Variants in TRPM3 observed in about 807,000 individuals in gnomAD.
TRPM3 encodes long transient receptor potential channel 3.
In TRPM3, 77 loss-of-function variants were observed where a neutral mutation model predicts 181.2. The observed-to-expected ratio is 0.42, with a 90% CI of 0.35 to 0.51. The LOEUF (loss-of-function observed/expected upper bound fraction) is 0.51. Among genes scored for constraint, TRPM3 ranks in the 20% least tolerant of loss-of-function variants. The pLI, the probability that TRPM3 is intolerant of heterozygous loss-of-function variation, is 0.01. For synonymous variants in TRPM3, 745 were observed against 796.4 expected (o/e 0.94, Z 1.09); for missense variants, 1,759 against 2,196.7 (o/e 0.80, Z 3.98).
At chr9:70,590,008 C>A (rs1340195167) in intron 22 of TRPM3, among the ~76,000 whole-genome samples, 1 of 152,150 alleles carries the variant, frequency 6.6e-6, no homozygotes, top group African/African-American at 2.4e-5. Flanking sequence ...GGTTATGCAA[C>A]CCTAATCCAT....
Position 70,640,630 on chromosome 9 carries a change from C to T in TRPM3, c.1376G>A (p.Ser459Asn), listed in dbSNP as rs532132510. 1.2e-6 allele frequency: 2 copies of T among 1,613,674 alleles called. No individual in the cohort carries two copies. The highest frequency in any genetic ancestry group is 2.2e-5 in the East Asian group (1 of 44,874). Reference protein sequence around the residue: ...GANASAPDQLSLALAWNRVDI... With the variant: ...GANASAPDQLNLALAWNRVDI... The stretch of plus-strand genomic sequence containing the variant: ...GACTCTGTTCCAGGCTAAAGCTAAG[C>T]TCAGTTGGTCTGGGGCCGAGGCATT... Residue 459 changes from serine to asparagine, a missense_variant, in exon 10 of 26, where the codon AGC becomes AAC. Physicochemically the swap from Ser to Asn is conservative, Grantham distance 46 (BLOSUM62 1). This residue lies in a region of TRPM3 where 737 missense variants were observed against 957.4 expected (regional missense o/e 0.77). Transcript: ENST00000677713.
chr9:71,252,685 T>C (rs1312638733), intron 1 of TRPM3, among the ~76,000 whole-genome samples: 1 of 151,918 alleles, frequency 6.6e-6, no homozygotes, highest in African/African-American at 2.4e-5. Context: ...TTTTCTTTCT[T>C]TTTTGTGACA....
chr9:70,571,437 A>C (rs1319092491), intron 22 of TRPM3, among the ~76,000 whole-genome samples: 1 of 152,146 alleles, frequency 6.6e-6, no homozygotes, highest in Non-Finnish European at 1.5e-5. Flanking sequence ...TGTACCTTGG[A>C]GGCTCAGAGT....
At position 70,654,533 on chromosome 9, in the gene TRPM3, G is replaced by A. The variant is rs979192847; in HGVS notation, c.1346-13873C>T. On this transcript the variant is annotated intron_variant, in intron 9 of 25. Transcript: ENST00000677713. ...GGAAATGATCCAGTGGTGACACACT[G>A]TGGAGTCCTGCTCATGAGCAGCACA... Among the ~76,000 whole-genome samples the A allele has an allele frequency of 2.0e-5, 3 of 152,080 alleles. No individual in the cohort carries two copies. The East Asian group carries it at 5.8e-4, about 29-fold the overall frequency.
In TRPM3 at chr9:71,179,007, T is replaced by C. The variant is rs139479671; in HGVS notation, c.183+267646A>G. On this transcript the variant is annotated intron_variant, in intron 1 of 24. Coordinates refer to the TRPM3 transcript ENST00000357533. ...ACATTTTAAAGAACAGTTTAAACTT[T>C]TATTAAATAGAAATTTCATGCATTA... Among the ~76,000 whole-genome samples, 1,097 of 152,302 alleles carry C rather than the reference T, an allele frequency of 7.2e-3. 18 individuals carry two copies. The highest frequency in any genetic ancestry group is 0.025 in the African/African-American group (1,040 of 41,564).
chr9:70,543,036 A>T (rs1336779481), intron 25 of TRPM3, among the ~76,000 whole-genome samples: 1 of 152,214 alleles, frequency 6.6e-6, no homozygotes, highest in African/African-American at 2.4e-5. Flanking sequence ...GAGACCAAAG[A>T]TCAGCTTTGG....
intron 1 of TRPM3, among the ~76,000 whole-genome samples, chr9:70,920,196 C>T (rs1453769811): frequency 6.6e-6 from 1 of 152,166 alleles, no homozygotes; most frequent in African/African-American, 2.4e-5. Flanking sequence ...AGGAATTCAG[C>T]AAACCATTTT....
intron 1 of TRPM3, among the ~76,000 whole-genome samples, chr9:71,371,931 C>T (rs1432927604): frequency 2.6e-5 from 4 of 152,184 alleles, no homozygotes; most frequent in African/African-American, 9.7e-5. Context: ...CCTCTCATCA[C>T]CTAGGTATCA....
At chr9:70,614,607 T>C (rs1478415773) in intron 18 of TRPM3, among the ~76,000 whole-genome samples, 7 of 152,164 alleles carry the variant, frequency 4.6e-5, no homozygotes, top group African/African-American at 1.7e-4. Flanking sequence ...GTTAAAACAG[T>C]ATTAGTTCAC....
At chr9:70,847,423 A>G (rs2095017743) in intron 3 of TRPM3, among the ~76,000 whole-genome samples, 1 of 152,170 alleles carries the variant, frequency 6.6e-6, no homozygotes, top group Non-Finnish European at 1.5e-5. Flanking sequence ...GTTGGCATGA[A>G]AAAAGAATTA....
At chr9:70,568,210 A>C (rs1317110411) in intron 22 of TRPM3, among the ~76,000 whole-genome samples, 1 of 152,234 alleles carries the variant, frequency 6.6e-6, no homozygotes, top group Non-Finnish European at 1.5e-5. Flanking sequence ...CACAAGGCAA[A>C]TGGCTGAGAT....
At chr9:70,657,003 A>T (rs995506070) in intron 9 of TRPM3, among the ~76,000 whole-genome samples, 1 of 151,806 alleles carries the variant, frequency 6.6e-6, no homozygotes, top group Non-Finnish European at 1.5e-5. Flanking sequence ...ATGTAGTCCT[A>T]GAATAAAATG....
chr9:71,312,507 T>G (rs1304989919), intron 1 of TRPM3, among the ~76,000 whole-genome samples: 1 of 152,126 alleles, frequency 6.6e-6, no homozygotes, highest in East Asian at 1.9e-4. Context: ...CCTATAAAAC[T>G]GAACATACTC....
chr9:70,604,014 T>C (rs1428589859), intron 19 of TRPM3, among the ~76,000 whole-genome samples: 2 of 152,242 alleles, frequency 1.3e-5, no homozygotes, highest in Admixed American at 1.3e-4. Flanking sequence ...TTACCTGTTT[T>C]CATTTCACCA....
intron 1 of TRPM3, among the ~76,000 whole-genome samples, chr9:71,261,022 T>C (rs1221253842): frequency 6.6e-6 from 1 of 152,202 alleles, no homozygotes; most frequent in African/African-American, 2.4e-5. Context: ...TGGTGTTCTC[T>C]GTATTTCCAG....
chr9:70,827,811 C>T, intron 6 of TRPM3, 36 bp downstream of exon 6: 3 of 1,604,144 alleles, frequency 1.9e-6, no homozygotes, highest in Non-Finnish European at 2.6e-6. Context: ...AGCATACCTC[C>T]TACGAGCCAT....
At chr9:71,420,825 GAGGGAAAGAA>G (rs2093739244) in intron 1 of TRPM3, among the ~76,000 whole-genome samples, 1 of 24,488 alleles carries the variant, frequency 4.1e-5, no homozygotes, top group Non-Finnish European at 9.9e-5. Context: ...GAGAGAAAGA[GAGGGAAAGAA>G]AGAGAGAGGA....
intron 7 of TRPM3, among the ~76,000 whole-genome samples, chr9:70,782,190 C>A (rs577939414): frequency 6.9e-6 from 1 of 143,952 alleles, no homozygotes; most frequent in East Asian, 2.0e-4. Context: ...GAAAGGAGAA[C>A]CTTGGTTAAT....
chr9:71,202,350 C>T (rs191933959), intron 1 of TRPM3, among the ~76,000 whole-genome samples: 10 of 152,254 alleles, frequency 6.6e-5, no homozygotes, highest in South Asian at 4.1e-4. Context: ...AGAACCACTG[C>T]TCTCTTCAAA....
Sources: allele counts gnomAD v4.1 joint callset (sites outside exome capture counted in the v4.1 genomes callset), GRCh38; gene constraint gnomAD v4.1.1; regional missense constraint gnomAD v4.1.1; transcripts MANE v1.5; gene names NCBI Gene and HGNC (gene_info 2026-07-23, HGNC 2026-07-21).